Variants in ROCK2 observed in about 807,000 individuals in gnomAD.
The protein encoded by ROCK2 is Rho associated coiled-coil containing protein kinase 2.
Under a neutral mutation model 195.1 loss-of-function variants are expected in ROCK2, and 61 were observed. The ratio of observed to expected loss-of-function variants is 0.31; its 90% confidence interval spans 0.25 to 0.39. ROCK2 has a LOEUF of 0.39. Among genes scored for constraint, ROCK2 ranks in the 10% least tolerant of loss-of-function variants. The probability of loss-of-function intolerance (pLI) is 1.00; values close to 1 mark genes in which losing one functional copy is unlikely to be tolerated. For synonymous variants in ROCK2, 504 were observed against 545.5 expected (o/e 0.92, Z 1.06); for missense variants, 1,109 against 1,637.4 (o/e 0.68, Z 5.57).
chr2:11,308,771 A>C (rs1027599521), intron 1 of ROCK2: 2 of 1,612,474 alleles, frequency 1.2e-6, no homozygotes, highest in African/African-American at 2.7e-5. Flanking sequence ...GCCTAAAAAA[A>C]GGTTTACCAG....
Position 11,193,866 on chromosome 2 carries a change from A to G in ROCK2, c.3609-9T>C, listed in dbSNP as rs754921553. On this transcript the variant is annotated splice_polypyrimidine_tract_variant and intron_variant, in intron 29 of 32. Coordinates refer to ENST00000315872, the MANE Select transcript of ROCK2 (RefSeq NM_004850.5). ...GGACATGAAATAACTTGCTATAAAA[A>G]ATTTTGAATAAAGGAATAAAATATC... is the stretch of plus-strand genomic sequence containing the variant. 2.6e-6 allele frequency: 4 copies of G among 1,534,348 alleles called. No homozygotes were observed. In the South Asian group the frequency reaches 4.6e-5, roughly 18 times the overall value.
chr2:11,208,134 T>C (rs1328995524), intron 19 of ROCK2, among the ~76,000 whole-genome samples, 153 bp downstream of exon 19: 1 of 151,822 alleles, frequency 6.6e-6, no homozygotes, highest in Admixed American at 6.6e-5. Flanking sequence ...TAAATTATGA[T>C]TCCTTTAGTA....
At chr2:11,216,508 T>C (rs1336976798) in intron 12 of ROCK2, among the ~76,000 whole-genome samples, 1 of 144,106 alleles carries the variant, frequency 6.9e-6, no homozygotes. Context: ...TCTTTCTTTC[T>C]TTTTTCTTTT....
intron 1 of ROCK2, among the ~76,000 whole-genome samples, chr2:11,310,759 G>A (rs1397211098): frequency 6.6e-6 from 1 of 151,844 alleles, no homozygotes; most frequent in Non-Finnish European, 1.5e-5. Flanking sequence ...TACAACCTAT[G>A]TCTGTTATAT....
Position 11,180,600 on chromosome 2 carries a change from A to G in ROCK2, c.*2837T>C, listed in dbSNP as rs142698580. On this transcript the variant is annotated 3_prime_UTR_variant, in exon 33 of 33. Transcript: ENST00000315872. ...TCTGTCTCGTTATCCCCACAAAACA[A>G]AAGTAAAAAATCCAATAAGAAAATC... is the stretch of plus-strand genomic sequence containing the variant. 2.0e-4 allele frequency: 30 copies of G among 152,346 alleles called. No individual in the cohort carries two copies. In the East Asian group the frequency reaches 5.8e-3, roughly 29 times the overall value. 9.4% of individuals were successfully genotyped at this position (152,346 alleles called of 1,614,324 possible). A position where few individuals can be genotyped will look rare whatever the true frequency, so the allele number is the denominator to read the frequency against.
intron 3 of ROCK2, among the ~76,000 whole-genome samples, chr2:11,280,721 C>G (rs187846428): frequency 6.6e-6 from 1 of 152,230 alleles, no homozygotes; most frequent in African/African-American, 2.4e-5. Flanking sequence ...TGCCAAAACT[C>G]ATACAAGAAG....
intron 3 of ROCK2, among the ~76,000 whole-genome samples, chr2:11,256,557 A>G (rs900895398): frequency 2.7e-5 from 4 of 150,688 alleles, no homozygotes; most frequent in Non-Finnish European, 2.9e-5. Context: ...ACGGACTAAT[A>G]CATATATCTA....
At chr2:11,312,457 A>G (rs1668066481) in intron 1 of ROCK2, among the ~76,000 whole-genome samples, 1 of 151,742 alleles carries the variant, frequency 6.6e-6, no homozygotes, top group Admixed American at 6.6e-5. Flanking sequence ...AAAAGCCCCC[A>G]CTTTCTCCAA....
chr2:11,288,299 A>G (rs1159942507), intron 1 of ROCK2, among the ~76,000 whole-genome samples: 2 of 152,208 alleles, frequency 1.3e-5, no homozygotes, highest in Non-Finnish European at 2.9e-5. Context: ...AACATGCATT[A>G]AAACAGAAAA....
Position 11,198,760 on chromosome 2 carries a change from A to G in ROCK2, c.2925T>C (p.Asn975=). The G allele has an allele frequency of 6.3e-7, 1 of 1,592,876 alleles. No individual in the cohort carries two copies. Among genetic ancestry groups the G allele is most frequent in the Non-Finnish European group, 8.5e-7 (1 of 1,169,894 alleles). The part of the protein sequence containing the change: ...DATIASLEET[N]RTLTSDVANL... Reference sequence around the variant, plus strand: ...TGGCAACATCACTAGTTAGTGTCCTATTAGTTTCCTCAAGCTAAGAAATGA... The same window carrying G: ...TGGCAACATCACTAGTTAGTGTCCTGTTAGTTTCCTCAAGCTAAGAAATGA... Residue 975 remains asparagine (N), a synonymous_variant, in exon 24 of 33, where the codon AAT becomes AAC. Coordinates refer to ENST00000315872, the MANE Select transcript of ROCK2 (RefSeq NM_004850.5).
At chr2:11,205,790 G>A (rs1328893627) in intron 20 of ROCK2, among the ~76,000 whole-genome samples, 1 of 151,972 alleles carries the variant, frequency 6.6e-6, no homozygotes, top group Admixed American at 6.6e-5. Context: ...CATTTATTGA[G>A]GATGTAGTAT....
chr2:11,325,567 A>T lies in ROCK2; in HGVS notation c.141+18429T>A, dbSNP rs189167589. Among the ~76,000 whole-genome samples the T allele has an allele frequency of 2.2e-3, 340 of 152,292 alleles. 3 individuals are homozygous for T. Among genetic ancestry groups the T allele is most frequent in the African/African-American group, 8.0e-3 (331 of 41,562 alleles). On this transcript the variant is annotated intron_variant, in intron 1 of 32. Transcript: ENST00000315872. ...GTTATTTAATATGGGGTGGGATATG[A>T]GAGAAAGGGAGGAGTAAGGGACAAG...
chr2:11,310,268 A>AC (rs780654832), intron 1 of ROCK2, among the ~76,000 whole-genome samples: 2 of 152,080 alleles, frequency 1.3e-5, no homozygotes, highest in Non-Finnish European at 2.9e-5. Flanking sequence ...ACTGATTACA[A>AC]CCTCACGGAA....
intron 3 of ROCK2, among the ~76,000 whole-genome samples, chr2:11,252,536 G>T (rs565254334): frequency 6.6e-6 from 1 of 152,120 alleles, no homozygotes; most frequent in Admixed American, 6.5e-5. Context: ...CAACAGCAAA[G>T]ACTTGGAACC....
At chr2:11,218,847 A>G in intron 10 of ROCK2, 119 bp downstream of exon 10, 1 of 575,882 alleles carries the variant, frequency 1.7e-6, no homozygotes, top group Non-Finnish European at 3.1e-6. Flanking sequence ...GTATTACACA[A>G]GGAATGCCAT....
intron 1 of ROCK2, among the ~76,000 whole-genome samples, chr2:11,309,633 A>T (rs544072098): frequency 1.1e-4 from 17 of 152,244 alleles, no homozygotes; most frequent in African/African-American, 1.9e-4. Flanking sequence ...AAAAATGAGT[A>T]TATGAAATAT....
intron 1 of ROCK2, among the ~76,000 whole-genome samples, chr2:11,316,980 G>A (rs572583553): frequency 4.6e-5 from 7 of 152,082 alleles, no homozygotes; most frequent in Admixed American, 1.3e-4. Flanking sequence ...AATTGATGGA[G>A]GATACCAGCA....
chr2:11,344,479 C>T lies in ROCK2; in HGVS notation c.-343G>A, dbSNP rs1259546652. The T allele has an allele frequency of 8.0e-6, 8 of 998,804 alleles. No homozygotes were observed. Among genetic ancestry groups the T allele is most frequent in the African/African-American group, 1.7e-5 (1 of 57,830 alleles). The allele number at this position is 998,804 out of a possible 1,614,324, so 61.9% of individuals were successfully genotyped here. On this transcript the variant is annotated 5_prime_UTR_variant, in exon 1 of 33. Coordinates refer to ENST00000315872, the MANE Select transcript of ROCK2 (RefSeq NM_004850.5). This position sits in a 1 kb window ranked among gnomAD's most constrained non-coding sequence, Gnocchi z 5.4. Reference sequence around the variant, plus strand: ...AGCAGGGAAGTGGCGCCGCCACCGCCGCGGCCCGGACCGCCCCGCCCTCTG... The same window carrying T: ...AGCAGGGAAGTGGCGCCGCCACCGCTGCGGCCCGGACCGCCCCGCCCTCTG...
chr2:11,202,185 A>G (rs1014872912), intron 20 of ROCK2, 64 bp from the exon 21 acceptor site: 6 of 1,352,426 alleles, frequency 4.4e-6, no homozygotes, highest in Non-Finnish European at 5.3e-6. Context: ...CAGCTCTCAA[A>G]GTATGGTCTG....
Sources: allele counts gnomAD v4.1 joint callset (sites outside exome capture counted in the v4.1 genomes callset), GRCh38; gene constraint gnomAD v4.1.1; non-coding constraint Gnocchi (gnomAD v3.1); transcripts MANE v1.5; gene names NCBI Gene and HGNC (gene_info 2026-07-23, HGNC 2026-07-21).